The following ADARB2 variants were observed in gnomAD, a reference collection of about 807,000 sequenced individuals.
ADARB2 encodes inactive double-stranded RNA-specific editase B2.
ADARB2 carries 25 observed loss-of-function variants against 62.2 expected under a neutral mutation model. That is an observed-to-expected ratio of 0.40 (90% CI 0.29 to 0.56). The LOEUF (loss-of-function observed/expected upper bound fraction) is 0.56. Ranked by LOEUF, ADARB2 falls within the 20% of genes least tolerant of loss-of-function variation. The probability of loss-of-function intolerance (pLI) is 0.43; values close to 1 mark genes in which losing one functional copy is unlikely to be tolerated. For synonymous variants in ADARB2, 572 were observed against 500.8 expected (o/e 1.14, Z -1.90); for missense variants, 1,071 against 1,077.4 (o/e 0.99, Z 0.08).
At chr10:1,369,334 T>G (rs10794745) in intron 2 of ADARB2, among the ~76,000 whole-genome samples, 126,191 of 152,014 alleles carry the variant, frequency 0.83, 56,474 homozygotes, top group Non-Finnish European at 0.98. Flanking sequence ...GGGTCTTAGA[T>G]CCGAATTCCT....
intron 1 of ADARB2, among the ~76,000 whole-genome samples, chr10:1,525,810 C>G (rs1323982503): frequency 1.3e-5 from 2 of 151,706 alleles, no homozygotes; most frequent in Admixed American, 1.3e-4. Flanking sequence ...CGTATGTGAG[C>G]ATGTACGTGT....
intron 4 of ADARB2, among the ~76,000 whole-genome samples, chr10:1,265,819 G>T (rs1831192142): frequency 7.2e-6 from 1 of 138,394 alleles, no homozygotes; most frequent in Non-Finnish European, 1.6e-5. Context: ...CTGAGAGGGG[G>T]GCCCAGGGTC....
chr10:1,258,023 G>T (rs1220202913), intron 4 of ADARB2, among the ~76,000 whole-genome samples: 1 of 152,140 alleles, frequency 6.6e-6, no homozygotes, highest in Non-Finnish European at 1.5e-5. Context: ...ACACAGTGGG[G>T]ACCCTGTCAA....
chr10:1,183,406 A>G, intron 9 of ADARB2, 37 bp from the exon 10 acceptor site: 1 of 1,595,978 alleles, frequency 6.3e-7, no homozygotes, highest in Non-Finnish European at 8.6e-7. Flanking sequence ...ATCAGACACC[A>G]GCAGAAAAGG....
intron 3 of ADARB2, among the ~76,000 whole-genome samples, chr10:1,328,285 G>A (rs1831895569): frequency 6.6e-6 from 1 of 152,224 alleles, no homozygotes; most frequent in Admixed American, 6.5e-5. Flanking sequence ...GTCAACGAAG[G>A]GCAGCATCCA....
intron 1 of ADARB2, among the ~76,000 whole-genome samples, chr10:1,433,463 C>G (rs940746896): frequency 1.3e-5 from 2 of 152,164 alleles, no homozygotes; most frequent in Non-Finnish European, 2.9e-5. Flanking sequence ...GCTGCTGGGT[C>G]GAAGTCTCCT....
intron 3 of ADARB2, among the ~76,000 whole-genome samples, chr10:1,352,622 C>T (rs995584073): frequency 1.3e-5 from 2 of 152,216 alleles, no homozygotes; most frequent in Non-Finnish European, 2.9e-5. Context: ...TTTAGAGGCC[C>T]TCAAAATCAC....
rs78457998 is a variant in ADARB2, at chr10:1,403,791, C to T, written c.101-24631G>A. ...AATGCAGTATTGGAGGCACGTCCCT[C>T]CCAGTCTCCTGTTGCCCCTAAATCT... On this transcript the variant is annotated intron_variant, in intron 1 of 9. Transcript: ENST00000381312. 7.1e-3 allele frequency among the ~76,000 whole-genome samples: 1,076 copies of T among 152,302 alleles called. 4 individuals are homozygous for T. The highest frequency in any genetic ancestry group is 0.011 in the Non-Finnish European group (769 of 68,024).
At chr10:1,564,816 C>G (rs914239919) in intron 1 of ADARB2, among the ~76,000 whole-genome samples, 4 of 141,778 alleles carry the variant, frequency 2.8e-5, no homozygotes, top group Middle Eastern at 3.6e-3. Flanking sequence ...GCCTTTAAAA[C>G]AAACCCAGAG....
At chr10:1,617,511 T>A (rs1266387578) in intron 1 of ADARB2, among the ~76,000 whole-genome samples, 12 of 134,156 alleles carry the variant, frequency 8.9e-5, no homozygotes, top group East Asian at 2.3e-4. Flanking sequence ...CGCCCTGCTG[T>A]GCTCTGCCTC....
chr10:1,387,258 A>C (rs1024454932), intron 1 of ADARB2, among the ~76,000 whole-genome samples: 111 of 152,088 alleles, frequency 7.3e-4, no homozygotes, highest in African/African-American at 2.6e-3. Flanking sequence ...AAACTACTAA[A>C]ATTAATAGTA....
At chr10:1,578,957 C>A (rs762245655) in intron 1 of ADARB2, among the ~76,000 whole-genome samples, 7 of 152,168 alleles carry the variant, frequency 4.6e-5, no homozygotes, top group Non-Finnish European at 1.0e-4. Context: ...AAGGATGCCG[C>A]AGCCAGGGGC....
chr10:1,474,949 TG>T (rs1462846375), intron 1 of ADARB2, among the ~76,000 whole-genome samples: 2 of 152,124 alleles, frequency 1.3e-5, no homozygotes, highest in African/African-American at 4.8e-5. Flanking sequence ...AGGCGGCGGC[TG>T]CCGGTCGTCC....
At chr10:1,627,509 C>G (rs975972588) in intron 1 of ADARB2, among the ~76,000 whole-genome samples, 1 of 152,066 alleles carries the variant, frequency 6.6e-6, no homozygotes, top group Non-Finnish European at 1.5e-5. Context: ...TTGCACAGAC[C>G]CCATAATCAA....
chr10:1,364,842 A>G (rs979438928), intron 2 of ADARB2, among the ~76,000 whole-genome samples: 1 of 147,894 alleles, frequency 6.8e-6, no homozygotes, highest in Admixed American at 6.8e-5. Flanking sequence ...CCATGCGCTC[A>G]CCTTATGCCT....
chr10:1,328,697 G>C (rs1564259105), intron 3 of ADARB2, among the ~76,000 whole-genome samples: 2 of 152,122 alleles, frequency 1.3e-5, no homozygotes, highest in Non-Finnish European at 2.9e-5. Flanking sequence ...TGCTTACCAA[G>C]AAGCAGTACA....
rs564684399 is a variant in ADARB2 at position 1,536,884 on chromosome 10, T to C, written c.101-157724A>G. On this transcript the variant is annotated intron_variant, in intron 1 of 9. Transcript: ENST00000381312. ...CTAGAAGAAAACCTAGGCAATGCCA[T>C]TCAGGACATAGTCATGGGCAAAGAC... Among the ~76,000 whole-genome samples, 48 of 152,282 alleles carry C rather than the reference T, an allele frequency of 3.2e-4. No individual in the cohort carries two copies. The South Asian group carries it at 8.1e-3, about 26-fold the overall frequency.
intron 1 of ADARB2, among the ~76,000 whole-genome samples, chr10:1,714,711 A>T (rs1293598733): frequency 6.6e-6 from 1 of 152,210 alleles, no homozygotes; most frequent in Non-Finnish European, 1.5e-5. Context: ...TGCCCATCTG[A>T]ACCTTAGAAA....
chr10:1,442,130 G>A (rs533781021), intron 1 of ADARB2, among the ~76,000 whole-genome samples: 5 of 152,156 alleles, frequency 3.3e-5, no homozygotes, highest in Non-Finnish European at 7.3e-5. Context: ...CAATATAACT[G>A]TGTAAGATCT....
Sources: allele counts gnomAD v4.1 joint callset (sites outside exome capture counted in the v4.1 genomes callset), GRCh38; gene constraint gnomAD v4.1.1; transcripts MANE v1.5; gene names NCBI Gene and HGNC (gene_info 2026-07-23, HGNC 2026-07-21).